GCNT1: variants seen among roughly 807,000 people sequenced by gnomAD.
The protein encoded by GCNT1 is beta-1,3-galactosyl-O-glycosyl-glycoprotein beta-1,6-N-acetylglucosaminyltransferase.
A neutral mutation model predicts 26.2 loss-of-function variants in GCNT1; 16 were observed. The observed-to-expected ratio is 0.61, with a 90% confidence interval of 0.41 to 0.93. The LOEUF is 0.93. GCNT1 is among the 40% of genes least tolerant of loss of function. The pLI is 0.00. For synonymous variants in GCNT1, 183 were observed against 190.8 expected, an observed-to-expected ratio of 0.96 and a Z score of 0.34; for missense variants, 477 against 526.7, an observed-to-expected ratio of 0.91 and a Z score of 0.92.
At chr9:76,493,662 G>C (rs1824814873) in intron 2 of GCNT1, among the ~76,000 whole-genome samples, 1 of 152,110 alleles carries the variant, frequency 6.6e-6, no homozygotes, top group Non-Finnish European at 1.5e-5. Context: ...ATTAGAGGAG[G>C]CTCATCATTA....
upstream of GCNT1, among the ~76,000 whole-genome samples, chr9:76,416,535 G>A (rs934423404): frequency 3.9e-5 from 6 of 152,228 alleles, no homozygotes; most frequent in African/African-American, 1.4e-4. Context: ...GAGCCCAGAA[G>A]TGCTTGCCCC....
the GCNT1 span, among the ~76,000 whole-genome samples, chr9:76,414,667 G>A: frequency 6.6e-6 from 1 of 152,218 alleles, no homozygotes; most frequent in African/African-American, 2.4e-5. Context: ...GTGATTTCCA[G>A]AAGTTGCCAT....
intron 2 of GCNT1, among the ~76,000 whole-genome samples, chr9:76,474,135 T>G (rs948445790): frequency 6.6e-6 from 1 of 152,144 alleles, no homozygotes; most frequent in Non-Finnish European, 1.5e-5. Context: ...CAGCCACTAG[T>G]AATCAAAGAA....
intron 1 of GCNT1, among the ~76,000 whole-genome samples, chr9:76,443,220 C>T (rs1823508276): frequency 6.6e-6 from 1 of 152,086 alleles, no homozygotes; most frequent in South Asian, 2.1e-4. Flanking sequence ...GTTGGGGAGA[C>T]CCTAACCCAG....
At chr9:76,469,253 T>G (rs2131602628) in intron 2 of GCNT1, among the ~76,000 whole-genome samples, 1 of 152,284 alleles carries the variant, frequency 6.6e-6, no homozygotes, top group African/African-American at 2.4e-5. Context: ...CTAGCTGGAT[T>G]TCCTAGGCCC....
upstream of GCNT1, among the ~76,000 whole-genome samples, chr9:76,437,091 AG>A (rs1823420182): frequency 6.6e-6 from 1 of 152,150 alleles, no homozygotes; most frequent in South Asian, 2.1e-4. Flanking sequence ...CATGTACCCT[AG>A]AACTTAAAGT....
At chr9:76,400,041 A>G in the GCNT1 span, among the ~76,000 whole-genome samples, 4 of 152,330 alleles carry the variant, frequency 2.6e-5, 1 homozygote, top group South Asian at 8.3e-4. Flanking sequence ...GAGACAGTAA[A>G]CAGATCAGTG....
At chr9:76,471,644 A>G (rs1178714165) in intron 2 of GCNT1, among the ~76,000 whole-genome samples, 1 of 151,764 alleles carries the variant, frequency 6.6e-6, no homozygotes, top group Non-Finnish European at 1.5e-5. Context: ...AACATGTATA[A>G]GTGGAAATTA....
chr9:76,495,461 G>A (rs1345155098), intron 2 of GCNT1, among the ~76,000 whole-genome samples: 1 of 152,164 alleles, frequency 6.6e-6, no homozygotes, highest in Non-Finnish European at 1.5e-5. Flanking sequence ...CCACAGCATG[G>A]AAGGGGACCA....
At position 76,435,261 on chromosome 9, in the gene GCNT1, T is replaced by C. The variant is rs143296915; in HGVS notation, n.38+15374T>C. 2.7e-3 allele frequency among the ~76,000 whole-genome samples: 405 copies of C among 152,224 alleles called. 1 individual carries two copies. The highest frequency in any genetic ancestry group is 9.4e-3 in the African/African-American group (392 of 41,524). On this transcript the variant is annotated intron_variant and non_coding_transcript_variant, in intron 1 of 3. Transcript: ENST00000488136. Reference sequence around the variant, plus strand: ...GGTGGGCATCATGGACCTACTGATATGTGATGTCACCCCTGGCGGCCCAGC... The same window carrying C: ...GGTGGGCATCATGGACCTACTGATACGTGATGTCACCCCTGGCGGCCCAGC...
the GCNT1 span, among the ~76,000 whole-genome samples, chr9:76,413,524 G>T: frequency 2.3e-4 from 35 of 152,268 alleles, no homozygotes; most frequent in African/African-American, 8.4e-4. Flanking sequence ...AGAGAAGTTG[G>T]TTGTAAATTT....
At chr9:76,440,880 A>G (rs958040948), upstream of GCNT1, among the ~76,000 whole-genome samples, 15 of 151,896 alleles carry the variant, frequency 9.9e-5, no homozygotes, top group Non-Finnish European at 8.8e-5. Flanking sequence ...CCTGACCAAC[A>G]TGGTGAAACC....
intron 3 of GCNT1, chr9:76,501,731 G>A (rs1393789845): frequency 6.6e-6 from 1 of 152,164 alleles, no homozygotes; most frequent in African/African-American, 2.4e-5. Context: ...GCAAAAAGCA[G>A]AATGGATCTG....
upstream of GCNT1, among the ~76,000 whole-genome samples, chr9:76,440,507 G>A (rs17721640): frequency 6.7e-3 from 1,016 of 152,234 alleles, 8 homozygotes; most frequent in Non-Finnish European, 0.012. Flanking sequence ...ATCAGATTCC[G>A]GTCCTTTTCA....
intron 2 of GCNT1, among the ~76,000 whole-genome samples, chr9:76,482,100 A>G (rs1030536824): frequency 6.6e-6 from 1 of 152,084 alleles, no homozygotes; most frequent in African/African-American, 2.4e-5. Context: ...TGTTTGCTAT[A>G]AAAATAGCCT....
the GCNT1 span, chr9:76,394,226 C>G: frequency 2.6e-6 from 4 of 1,518,614 alleles, no homozygotes; most frequent in South Asian, 4.9e-5. Context: ...CCTGCGGAGC[C>G]GCCGTCGACG....
intron 2 of GCNT1, among the ~76,000 whole-genome samples, chr9:76,491,937 G>C (rs1824749643): frequency 6.6e-6 from 1 of 152,178 alleles, no homozygotes; most frequent in African/African-American, 2.4e-5. Context: ...GAGTAGTCCA[G>C]ACAGTGAGAT....
intron 1 of GCNT1, among the ~76,000 whole-genome samples, chr9:76,432,319 C>A (rs1341988290): frequency 6.6e-6 from 1 of 151,886 alleles, no homozygotes; most frequent in Non-Finnish European, 1.5e-5. Flanking sequence ...CTTAAAATGT[C>A]TAATATCTAG....
rs1268663957 is a variant in GCNT1, at chr9:76,505,847, T to C, written c.*2179T>C. ...AGGTTTTGAGGGATTTTTTTCTTCA[T>C]CATAAATGTAAACATAGGATTTTAG... On this transcript the variant is annotated 3_prime_UTR_variant, in exon 4 of 4. Coordinates refer to ENST00000376730, the MANE Select transcript of GCNT1 (RefSeq NM_001490.5). 2 of 166,114 alleles carry C rather than the reference T, an allele frequency of 1.2e-5. No homozygotes were observed. The highest frequency in any genetic ancestry group is 1.9e-4 in the East Asian group (1 of 5,188). The allele number at this position is 166,114 out of a possible 1,614,324, so 10.3% of individuals were successfully genotyped here. A position where few individuals can be genotyped will look rare whatever the true frequency, so the allele number is the denominator to read the frequency against.
Sources: gnomAD v4.1 joint callset for allele counts (sites outside exome capture counted in the v4.1 genomes callset) on GRCh38, gnomAD v4.1.1 for gene constraint, MANE v1.5 for transcripts, NCBI Gene and HGNC (gene_info 2026-07-23, HGNC 2026-07-21) for gene names.